LYN: variants seen among roughly 807,000 people sequenced by gnomAD.
The protein encoded by LYN is tyrosine-protein kinase Lyn.
A neutral mutation model predicts 65.0 loss-of-function variants in LYN; 12 were observed. The observed-to-expected ratio is 0.18, with a 90% CI of 0.12 to 0.30. The LOEUF is 0.30. Among genes scored for constraint, LYN ranks in the 10% least tolerant of loss-of-function variants. The pLI is 1.00. For synonymous variants in LYN, 222 were observed against 221.2 expected, an observed-to-expected ratio of 1.00 and a Z score of -0.03; for missense variants, 380 against 623.2, an observed-to-expected ratio of 0.61 and a Z score of 4.16.
chr8:55,944,523 C>T (rs1585624926), intron 2 of LYN, among the ~76,000 whole-genome samples: 1 of 152,114 alleles, frequency 6.6e-6, no homozygotes, highest in African/African-American at 2.4e-5. Context: ...TCTTGTTGCC[C>T]AGGCTGGAGT....
chr8:55,950,452 A>C lies in LYN; in HGVS notation c.285-7A>C. 6.3e-7 allele frequency: 1 copy of C among 1,598,210 alleles called. No homozygotes were observed. The highest frequency in any genetic ancestry group is 8.5e-7 in the Non-Finnish European group (1 of 1,170,544). ...TAGCTTCTTTTTGATGTGTATTTCT[A>C]TTCTAGGCATGGAGAATGGTGGAAA... On this transcript the variant is annotated splice_polypyrimidine_tract_variant and splice_region_variant and intron_variant, in intron 4 of 12. Transcript: ENST00000519728.
chr8:55,995,949 C>G (rs1375783938), intron 10 of LYN, among the ~76,000 whole-genome samples: 1 of 152,178 alleles, frequency 6.6e-6, no homozygotes, highest in Non-Finnish European at 1.5e-5. Flanking sequence ...TGCCAAATCC[C>G]TGTAGTAGTG....
chr8:55,888,774 T>C lies in LYN; in HGVS notation c.-6+8671T>C, dbSNP rs1410951195. Reference sequence around the variant, plus strand: ...GTTTTTGAGACAGAGTCTCACTCTGTCATCCAGGCTGGAGTGCAGTGGTAC... The same window carrying C: ...GTTTTTGAGACAGAGTCTCACTCTGCCATCCAGGCTGGAGTGCAGTGGTAC... On this transcript the variant is annotated intron_variant, in intron 1 of 12. Coordinates refer to ENST00000519728, the MANE Select transcript of LYN (RefSeq NM_002350.4). Among the ~76,000 whole-genome samples, 4 of 152,240 alleles carry C rather than the reference T, an allele frequency of 2.6e-5. No homozygotes were observed. The East Asian group carries it at 7.7e-4, about 29-fold the overall frequency.
intron 1 of LYN, among the ~76,000 whole-genome samples, chr8:55,921,453 C>T (rs997043663): frequency 2.6e-5 from 4 of 152,168 alleles, no homozygotes; most frequent in South Asian, 2.1e-4. Flanking sequence ...TTGTACATAA[C>T]AGACATAAAG....
At chr8:56,006,890 T>C (rs936634102) in intron 12 of LYN, among the ~76,000 whole-genome samples, 3 of 152,216 alleles carry the variant, frequency 2.0e-5, no homozygotes, top group Non-Finnish European at 4.4e-5. Context: ...TCACAAGACT[T>C]GTCATTTAAT....
chr8:56,011,146 T>G lies in LYN; in HGVS notation c.*1036T>G, dbSNP rs1441903529. 4.4e-6 allele frequency: 1 copy of G among 228,436 alleles called. No homozygotes were observed. The highest frequency in any genetic ancestry group is 8.7e-6 in the Non-Finnish European group (1 of 115,166). 14.2% of individuals were successfully genotyped at this position (228,436 alleles called of 1,614,324 possible). ...TATGATTCAGCAATCTTTTCTAAAT[T>G]GTGTAGCATGTGTATGAGACTATTT... On this transcript the variant is annotated 3_prime_UTR_variant, in exon 13 of 13. Transcript: ENST00000519728.
chr8:55,908,990 T>TGTGTAC (rs1491229190), intron 1 of LYN, among the ~76,000 whole-genome samples: 1 of 13,174 alleles, frequency 7.6e-5, no homozygotes, highest in African/African-American at 5.9e-4. Context: ...ATTGTGTATG[T>TGTGTAC]ATATATATAT....
chr8:55,989,474 A>G (rs1430491903), intron 10 of LYN, among the ~76,000 whole-genome samples: 1 of 152,166 alleles, frequency 6.6e-6, no homozygotes, highest in Non-Finnish European at 1.5e-5. Context: ...GCAGTGCCTC[A>G]TGAGGGAGAG....
At chr8:55,922,151 A>T (rs1805963069) in intron 1 of LYN, among the ~76,000 whole-genome samples, 1 of 152,176 alleles carries the variant, frequency 6.6e-6, no homozygotes. Context: ...GCAGTGGCAT[A>T]AACACAGCTC....
At chr8:55,970,295 T>A (rs1056521624) in intron 10 of LYN, among the ~76,000 whole-genome samples, 2 of 152,248 alleles carry the variant, frequency 1.3e-5, no homozygotes. Context: ...TATTCATTTG[T>A]ACTATTTTTA....
intron 10 of LYN, among the ~76,000 whole-genome samples, chr8:55,977,684 G>T (rs2130545072): frequency 6.6e-6 from 1 of 151,756 alleles, no homozygotes; most frequent in South Asian, 2.1e-4. Context: ...AGGCTGAAGT[G>T]GGAGGGTTGC....
chr8:55,990,850 T>A (rs1420169920), intron 10 of LYN, among the ~76,000 whole-genome samples: 1 of 152,208 alleles, frequency 6.6e-6, no homozygotes, highest in Non-Finnish European at 1.5e-5. Flanking sequence ...CCCAGTTGGT[T>A]AAGAGGCTTA....
At chr8:55,953,734 T>G (rs1585634284) in intron 7 of LYN, 98 bp from the exon 8 acceptor site, 7 of 1,045,150 alleles carry the variant, frequency 6.7e-6, no homozygotes, top group African/African-American at 1.7e-5. Context: ...CTGCGGCAGG[T>G]TGGACACTAT....
chr8:55,944,181 A>G (rs1379708202), intron 2 of LYN, among the ~76,000 whole-genome samples: 4 of 152,198 alleles, frequency 2.6e-5, no homozygotes, highest in African/African-American at 7.2e-5. Flanking sequence ...AATTTTATAT[A>G]TAGAAAATAT....
At chr8:55,907,706 A>G (rs1451269370) in intron 1 of LYN, among the ~76,000 whole-genome samples, 2 of 152,040 alleles carry the variant, frequency 1.3e-5, no homozygotes, top group Non-Finnish European at 2.9e-5. Context: ...GTTTCTACAA[A>G]AATAAAAAAA....
chr8:55,924,606 C>T (rs549902428), intron 1 of LYN, among the ~76,000 whole-genome samples: 1 of 151,886 alleles, frequency 6.6e-6, no homozygotes, highest in South Asian at 2.1e-4. Flanking sequence ...TCACGTAATC[C>T]ACCCCCCTTG....
intron 1 of LYN, among the ~76,000 whole-genome samples, chr8:55,934,224 C>CA (rs1302347009): frequency 6.3e-4 from 95 of 149,892 alleles, no homozygotes; most frequent in Middle Eastern, 3.4e-3. Context: ...AGATCCGTCT[C>CA]AAAAAAAAAG....
In LYN at chr8:56,014,152, TAAA is replaced by T. The variant is rs1351192331; in HGVS notation, c.*4044_*4046del. ...CGCTTCATATTGTTTCCTTGTGAAATAAAACCAGTGAAACACCTTTGTGTAGAA... is the reference window on the plus strand; with the variant it reads ...CGCTTCATATTGTTTCCTTGTGAAATACCAGTGAAACACCTTTGTGTAGAA... On this transcript the variant is annotated 3_prime_UTR_variant, in exon 13 of 13. Transcript: ENST00000519728. 6.6e-6 allele frequency: 1 copy of T among 152,208 alleles called. No homozygotes were observed. The highest frequency in any genetic ancestry group is 6.5e-5 in the Admixed American group (1 of 15,280). The allele number at this position is 152,208 out of a possible 1,614,324, so 9.4% of individuals were successfully genotyped here.
At chr8:55,917,186 A>G (rs1211096982) in intron 1 of LYN, among the ~76,000 whole-genome samples, 8 of 151,822 alleles carry the variant, frequency 5.3e-5, no homozygotes, top group Admixed American at 3.3e-4. Context: ...AAAAAAAAAA[A>G]AAAGAGAGAG....
Sources: gnomAD v4.1 joint callset for allele counts (sites outside exome capture counted in the v4.1 genomes callset) on GRCh38, gnomAD v4.1.1 for gene constraint, MANE v1.5 for transcripts, NCBI Gene and HGNC (gene_info 2026-07-23, HGNC 2026-07-21) for gene names.